Variants in GALNTL6 observed in about 807,000 individuals in gnomAD.
The protein encoded by GALNTL6 is polypeptide N-acetylgalactosaminyltransferase-like 6.
Under a neutral mutation model 73.7 loss-of-function variants are expected in GALNTL6, and 46 were observed. The observed-to-expected ratio is 0.62, with a 90% CI of 0.49 to 0.80. GALNTL6 has a LOEUF of 0.80. Ranked by LOEUF, GALNTL6 falls within the 30% of genes least tolerant of loss-of-function variation. GALNTL6 has a pLI of 0.00. For missense variants in GALNTL6, 604 were observed against 755.0 expected, an observed-to-expected ratio of 0.80 and a Z score of 2.34; for synonymous variants, 259 against 263.7, an observed-to-expected ratio of 0.98 and a Z score of 0.17.
At chr4:172,636,945 T>C (rs1739721133) in intron 5 of GALNTL6, among the ~76,000 whole-genome samples, 1 of 152,178 alleles carries the variant, frequency 6.6e-6, no homozygotes, top group African/African-American at 2.4e-5. Context: ...ATATATTATA[T>C]GGGAAGAAAT....
chr4:172,636,827 A>G (rs1739711199), intron 5 of GALNTL6, among the ~76,000 whole-genome samples: 1 of 152,198 alleles, frequency 6.6e-6, no homozygotes, highest in African/African-American at 2.4e-5. Flanking sequence ...GTGGAATAAA[A>G]CACAACTTCT....
chr4:172,970,942 T>A (rs536275047), intron 10 of GALNTL6, among the ~76,000 whole-genome samples: 1 of 152,314 alleles, frequency 6.6e-6, no homozygotes, highest in African/African-American at 2.4e-5. Flanking sequence ...TGTTCAGAGA[T>A]TGCAGTAAAG....
At chr4:172,799,223 A>G (rs1740463050) in intron 5 of GALNTL6, among the ~76,000 whole-genome samples, 1 of 152,244 alleles carries the variant, frequency 6.6e-6, no homozygotes, top group African/African-American at 2.4e-5. Context: ...GAACTGGCAC[A>G]GACATATGCA....
intron 5 of GALNTL6, among the ~76,000 whole-genome samples, chr4:172,722,885 T>G (rs766126829): frequency 6.6e-6 from 1 of 152,202 alleles, no homozygotes; most frequent in Non-Finnish European, 1.5e-5. Context: ...AATTATCATA[T>G]GCTTTGTGGC....
intron 5 of GALNTL6, among the ~76,000 whole-genome samples, chr4:172,774,998 T>TAATAAC (rs1333732707): frequency 8.2e-6 from 1 of 122,644 alleles, no homozygotes; most frequent in African/African-American, 2.7e-5. Flanking sequence ...ATAATAATAA[T>TAATAAC]AATAAAATCC....
intron 2 of GALNTL6, among the ~76,000 whole-genome samples, chr4:171,851,569 G>A (rs1481261561): frequency 1.3e-5 from 2 of 152,186 alleles, no homozygotes; most frequent in East Asian, 3.9e-4. Flanking sequence ...GTTACTGTGA[G>A]TGAGCTGAAT....
At chr4:171,814,975 T>G in intron 2 of GALNTL6, 1 of 543,964 alleles carries the variant, frequency 1.8e-6, no homozygotes. Flanking sequence ...CTTTCACCAT[T>G]GGTCTTAGGT....
intron 2 of GALNTL6, among the ~76,000 whole-genome samples, chr4:172,011,175 T>C (rs1046098326): frequency 6.6e-6 from 1 of 152,084 alleles, no homozygotes; most frequent in African/African-American, 2.4e-5. Context: ...ATAGAGGAAC[T>C]GAGTAGTCAG....
chr4:172,972,950 C>G (rs1215566189), intron 10 of GALNTL6, among the ~76,000 whole-genome samples: 2 of 152,182 alleles, frequency 1.3e-5, no homozygotes, highest in African/African-American at 4.8e-5. Flanking sequence ...GGCACCAAAT[C>G]ATGACTCTAG....
intron 2 of GALNTL6, among the ~76,000 whole-genome samples, chr4:172,177,734 TATACAC>T: frequency 4.1e-5 from 6 of 147,282 alleles, no homozygotes; most frequent in Non-Finnish European, 3.0e-5. Flanking sequence ...TGTATATATA[TATACAC>T]ATGTGTATAT....
chr4:171,828,750 G>A (rs747862907), intron 2 of GALNTL6, among the ~76,000 whole-genome samples: 4 of 152,082 alleles, frequency 2.6e-5, no homozygotes, highest in Non-Finnish European at 4.4e-5. Context: ...AGCCTCCCAA[G>A]TAGCTGGGAC....
chr4:172,092,875 CTT>C (rs201817743), intron 2 of GALNTL6, among the ~76,000 whole-genome samples: 14 of 130,334 alleles, frequency 1.1e-4, no homozygotes, highest in East Asian at 4.4e-4. Context: ...TTTTTCTTTT[CTT>C]TTTTTTTTTT....
intron 5 of GALNTL6, chr4:172,667,910 T>A (rs1731759511): frequency 6.6e-6 from 1 of 152,244 alleles, no homozygotes. Flanking sequence ...CTGTTTTGCC[T>A]GTGATGAACC....
intron 5 of GALNTL6, among the ~76,000 whole-genome samples, chr4:172,609,038 C>T (rs1200487337): frequency 6.6e-6 from 1 of 152,072 alleles, no homozygotes; most frequent in Non-Finnish European, 1.5e-5. Flanking sequence ...AGCTTTTGTG[C>T]AGAGACTCTG....
At chr4:172,437,486 G>A (rs1479222019) in intron 5 of GALNTL6, among the ~76,000 whole-genome samples, 1 of 151,858 alleles carries the variant, frequency 6.6e-6, no homozygotes, top group African/African-American at 2.4e-5. Flanking sequence ...AAGCATTCAA[G>A]GCAATTCAGA....
intron 2 of GALNTL6, among the ~76,000 whole-genome samples, chr4:172,080,826 T>C (rs1731857791): frequency 6.6e-6 from 1 of 151,452 alleles, no homozygotes; most frequent in South Asian, 2.1e-4. Context: ...GGTATATAAA[T>C]TTATATTTAA....
intron 3 of GALNTL6, among the ~76,000 whole-genome samples, chr4:172,230,941 T>C (rs2110970457): frequency 6.6e-6 from 1 of 152,254 alleles, no homozygotes; most frequent in South Asian, 2.1e-4. Context: ...CTGTATCAGG[T>C]ATGGCTGACT....
In GALNTL6 at chr4:172,692,195, C is replaced by T. The variant is rs1020974607; in HGVS notation, c.554-117166C>T. Among the ~76,000 whole-genome samples, 15 of 152,168 alleles carry T rather than the reference C, an allele frequency of 9.9e-5. No individual in the cohort carries two copies. In the South Asian group the frequency reaches 1.9e-3, roughly 19 times the overall value. On this transcript the variant is annotated intron_variant, in intron 5 of 12. Coordinates refer to ENST00000506823, the MANE Select transcript of GALNTL6 (RefSeq NM_001034845.3). ...GTGCATCTGCTTGCATATTTTAACT[C>T]ATATTCTATAATTTGATACTCTGCA...
At chr4:172,156,540 A>AC (rs58197299) in intron 2 of GALNTL6, among the ~76,000 whole-genome samples, 5 of 125,160 alleles carry the variant, frequency 4.0e-5, no homozygotes, top group East Asian at 2.2e-4. Flanking sequence ...ATATATATAT[A>AC]ATATATATAT....
Sources: allele counts gnomAD v4.1 joint callset (sites outside exome capture counted in the v4.1 genomes callset), GRCh38; gene constraint gnomAD v4.1.1; transcripts MANE v1.5; gene names NCBI Gene and HGNC (gene_info 2026-07-23, HGNC 2026-07-21).